STK31: variants seen among roughly 807,000 people sequenced by gnomAD.
STK31 encodes the protein serine/threonine-protein kinase 31.
Under a neutral mutation model 129.7 loss-of-function variants are expected in STK31, and 89 were observed. The observed-to-expected ratio is 0.69, with a 90% CI of 0.58 to 0.82. STK31 has a LOEUF of 0.82. Among genes scored for constraint, STK31 ranks in the 40% least tolerant of loss-of-function variants. The pLI is 0.00. For missense variants in STK31, 1,187 were observed against 1,176.4 expected (o/e 1.01, Z -0.13); for synonymous variants, 448 against 395.3 (o/e 1.13, Z -1.58).
At chr7:23,729,742 C>T (rs148352767) in intron 6 of STK31, among the ~76,000 whole-genome samples, 2,222 of 150,440 alleles carry the variant, frequency 0.015, 42 homozygotes, top group African/African-American at 0.051. Flanking sequence ...ACTCCTGACC[C>T]CAGGTGATCC....
intron 22 of STK31, among the ~76,000 whole-genome samples, chr7:23,808,328 A>T (rs1392650120): frequency 1.3e-5 from 2 of 151,834 alleles, no homozygotes; most frequent in African/African-American, 4.8e-5. Flanking sequence ...TGGGAGTGTA[A>T]ATTCAGCACT....
chr7:23,755,888 G>A (rs1027090976), intron 10 of STK31, among the ~76,000 whole-genome samples: 3 of 152,122 alleles, frequency 2.0e-5, no homozygotes, highest in Non-Finnish European at 4.4e-5. Context: ...ATGCTGTTTT[G>A]GTTACTGTAG....
intron 10 of STK31, among the ~76,000 whole-genome samples, chr7:23,762,386 A>G (rs908592321): frequency 3.3e-5 from 5 of 152,134 alleles, no homozygotes; most frequent in Admixed American, 6.5e-5. Flanking sequence ...TCTTTCACAT[A>G]TGTATTTCCA....
intron 10 of STK31, chr7:23,755,055 G>A (rs1046222607): frequency 6.6e-6 from 1 of 152,126 alleles, no homozygotes; most frequent in Non-Finnish European, 1.5e-5. Flanking sequence ...TCTGGTTCTA[G>A]ATCCTTGAGG....
At chr7:23,801,269 T>C (rs1228160841) in intron 22 of STK31, among the ~76,000 whole-genome samples, 2 of 152,210 alleles carry the variant, frequency 1.3e-5, no homozygotes, top group Non-Finnish European at 2.9e-5. Flanking sequence ...TGGTAGTGTT[T>C]CATTGTGGTT....
intron 23 of STK31, among the ~76,000 whole-genome samples, chr7:23,815,482 T>C (rs1050954586): frequency 4.6e-5 from 7 of 152,156 alleles, no homozygotes; most frequent in Admixed American, 3.3e-4. Context: ...GATCATATTA[T>C]AGTAAAATAA....
chr7:23,752,726 G>A lies in STK31; in HGVS notation c.1027G>A (p.Ala343Thr). The A allele has an allele frequency of 6.2e-7, 1 of 1,611,320 alleles. No individual in the cohort carries two copies. The highest frequency in any genetic ancestry group is 8.5e-7 in the Non-Finnish European group (1 of 1,177,710). The change falls in exon 9 of 24, where the codon GCA becomes ACA. Residue 343 changes from alanine to threonine, a missense_variant. Around this residue, in one of 5 missense-constraint regions of STK31, gnomAD observed 975 missense variants for 934.9 expected, o/e 1.04. Coordinates refer to ENST00000355870, the MANE Select transcript of STK31 (RefSeq NM_031414.5). ...QIAQELQQEKAAAVDLTNHLE... is the reference protein window; with the variant it reads ...QIAQELQQEKTAAVDLTNHLE... ...TTATTCTTTGTTTCAGCAAGAGAAGGCAGCTGCTGTGGATTTGACTAACCA... is the reference window on the plus strand; with the variant it reads ...TTATTCTTTGTTTCAGCAAGAGAAGACAGCTGCTGTGGATTTGACTAACCA...
intron 23 of STK31, among the ~76,000 whole-genome samples, chr7:23,827,766 GT>G (rs1417721406): frequency 6.6e-6 from 1 of 152,074 alleles, no homozygotes; most frequent in Admixed American, 6.6e-5. Flanking sequence ...GTACAGATGG[GT>G]TTTTGGTGTG....
chr7:23,832,269 A>C lies in STK31; in HGVS notation c.2963A>C (p.Glu988Ala). ...QSVPNPEKDTEYTLYKKEEEI... is the reference protein window; with the variant it reads ...QSVPNPEKDTAYTLYKKEEEI... Reference sequence around the variant, plus strand: ...GTTCCAAACCCAGAAAAAGATACTGAATACACCCTATATAAAAAGGAAGAA... The same window carrying C: ...GTTCCAAACCCAGAAAAAGATACTGCATACACCCTATATAAAAAGGAAGAA... The change falls in exon 24 of 24, where the codon GAA becomes GCA. Residue 988 changes from glutamate (E) to alanine (A), a missense_variant. Coordinates refer to ENST00000355870, the MANE Select transcript of STK31 (RefSeq NM_031414.5). 3 of 1,613,962 alleles carry C rather than the reference A, an allele frequency of 1.9e-6. No individual in the cohort carries two copies. Among genetic ancestry groups the C allele is most frequent in the Non-Finnish European group, 2.5e-6 (3 of 1,179,852 alleles).
chr7:23,739,061 C>T (rs561364091), intron 8 of STK31, among the ~76,000 whole-genome samples: 2 of 152,294 alleles, frequency 1.3e-5, no homozygotes, highest in East Asian at 3.9e-4. Context: ...CACTGTCTTC[C>T]GCAATGGTTG....
chr7:23,817,455 T>C (rs544402422), intron 23 of STK31, among the ~76,000 whole-genome samples: 7 of 152,338 alleles, frequency 4.6e-5, no homozygotes, highest in Non-Finnish European at 1.0e-4. Flanking sequence ...TTTGCTTCTG[T>C]GATCTGAGTC....
intron 23 of STK31, among the ~76,000 whole-genome samples, chr7:23,827,411 C>T (rs557834029): frequency 4.5e-4 from 69 of 152,252 alleles, no homozygotes; most frequent in African/African-American, 1.5e-3. Context: ...CTTGTGCATT[C>T]GTCATGTATT....
Position 23,772,192 on chromosome 7 carries a change from G to T in STK31, c.1879G>T (p.Asp627Tyr). Reference protein sequence around the residue: ...IEYLNKSPSVDHLLSIKKTLK... With the variant: ...IEYLNKSPSVYHLLSIKKTLK... ...ATATTTAAATAAGAGTCCCAGTGTG[G>T]ATCACTTGCTATCCATTAAGAAGAC... Residue 627 changes from aspartate (D) to tyrosine (Y), a missense_variant, in exon 15 of 24, where the codon GAT becomes TAT. Physicochemically the swap from Asp to Tyr is radical, Grantham distance 160 (BLOSUM62 -3). This residue lies in a region of STK31 where 975 missense variants were observed against 934.9 expected (regional missense o/e 1.04). Coordinates refer to ENST00000355870, the MANE Select transcript of STK31 (RefSeq NM_031414.5). 6.2e-7 allele frequency: 1 copy of T among 1,604,298 alleles called. No individual in the cohort carries two copies.
At position 23,772,201 on chromosome 7, in the gene STK31, C is replaced by G; in HGVS notation, c.1888C>G (p.Leu630Val). The G allele has an allele frequency of 6.2e-7, 1 of 1,604,018 alleles. No individual in the cohort carries two copies. The highest frequency in any genetic ancestry group is 8.5e-7 in the Non-Finnish European group (1 of 1,174,862). Residue 630 changes from leucine (L) to valine (V), a missense_variant, in exon 15 of 24, where the codon CTA (leucine) becomes GTA (valine). Physicochemically the swap from Leu to Val is conservative, Grantham distance 32. Around this residue, in one of 5 missense-constraint regions of STK31, gnomAD observed 975 missense variants for 934.9 expected, o/e 1.04. Transcript: ENST00000355870. ...LNKSPSVDHL[L>V]SIKKTLKSLK... ...TAAGAGTCCCAGTGTGGATCACTTG[C>G]TATCCATTAAGAAGACATTGAAAAG...
Position 23,735,729 on chromosome 7 carries a change from A to G in STK31, c.675A>G (p.Lys225=). The G allele has an allele frequency of 1.2e-6, 2 of 1,614,080 alleles. No homozygotes were observed. Among genetic ancestry groups the G allele is most frequent in the Non-Finnish European group, 1.7e-6 (2 of 1,180,032 alleles). ...GAACTGACATCTGTGAGGAAAAAAA[A>G]TTGGATCCTGGTCAACTTGTTCTCA... ...ASRTDICEEK[K]LDPGQLVLRN... is the part of the protein sequence containing the mutation. The change falls in exon 7 of 24, where the codon AAA becomes AAG. Residue 225 remains lysine, a synonymous_variant. Coordinates refer to ENST00000355870, the MANE Select transcript of STK31 (RefSeq NM_031414.5).
intron 3 of STK31, among the ~76,000 whole-genome samples, chr7:23,713,493 C>G (rs1033415287): frequency 6.6e-6 from 1 of 152,086 alleles, no homozygotes; most frequent in Non-Finnish European, 1.5e-5. Context: ...TTCAATAAAC[C>G]TTAGCTTACT....
chr7:23,745,633 C>T (rs59957543), intron 8 of STK31, among the ~76,000 whole-genome samples: 2 of 152,224 alleles, frequency 1.3e-5, no homozygotes, highest in Admixed American at 1.3e-4. Context: ...CTGGTGGCAG[C>T]AGCAGCTAGC....
intron 8 of STK31, 139 bp downstream of exon 8, chr7:23,737,217 T>A: frequency 1.4e-6 from 1 of 703,646 alleles, no homozygotes; most frequent in Non-Finnish European, 2.0e-6. Context: ...TGTTTATAGG[T>A]GAATTTTTTT....
At chr7:23,738,582 T>A (rs891404701) in intron 8 of STK31, among the ~76,000 whole-genome samples, 61 of 151,882 alleles carry the variant, frequency 4.0e-4, no homozygotes, top group Non-Finnish European at 2.6e-4. Context: ...TTTTTTTTTT[T>A]AAACTCAAAC....
Sources: gnomAD v4.1 joint callset for allele counts (sites outside exome capture counted in the v4.1 genomes callset) on GRCh38, gnomAD v4.1.1 for gene constraint, gnomAD v4.1.1 regional missense constraint, MANE v1.5 for transcripts, NCBI Gene and HGNC (gene_info 2026-07-23, HGNC 2026-07-21) for gene names.